Variants in DENND11 observed in about 807,000 individuals in gnomAD.
DENND11 encodes the protein DENN domain containing 11.
DENND11 carries 34 observed loss-of-function variants against 49.2 expected under a neutral mutation model. That is an observed-to-expected ratio of 0.69 (90% confidence interval 0.53 to 0.92). The LOEUF is 0.92. DENND11 is among the 40% of genes least tolerant of loss of function. The probability of loss-of-function intolerance (pLI) is 0.00; values close to 1 mark genes in which losing one functional copy is unlikely to be tolerated. For missense variants in DENND11, 475 were observed against 581.6 expected (o/e 0.82, Z 1.88); for synonymous variants, 238 against 230.3 (o/e 1.03, Z -0.30).
intron 3 of DENND11, among the ~76,000 whole-genome samples, chr7:141,680,780 C>T (rs879466874): frequency 2.0e-4 from 31 of 151,994 alleles, no homozygotes; most frequent in African/African-American, 7.5e-4. Context: ...ATGAGGACAA[C>T]AACTCTAGAA....
In DENND11 at chr7:141,676,335, A is replaced by C. The variant is rs542018060; in HGVS notation, c.528-2115T>G. Among the ~76,000 whole-genome samples, 18 of 152,328 alleles carry C rather than the reference A, an allele frequency of 1.2e-4. No homozygotes were observed. In the East Asian group the frequency reaches 2.9e-3, roughly 24 times the overall value. ...TTTAATACTACATTTTCTGTGTTAA[A>C]GGGGGCTGTGTCAAGGGAAATATTT... On this transcript the variant is annotated intron_variant, in intron 3 of 8. Coordinates refer to ENST00000536163, the MANE Select transcript of DENND11 (RefSeq NM_001080392.2).
intron 1 of DENND11, among the ~76,000 whole-genome samples, chr7:141,694,082 A>T (rs1049241235): frequency 6.6e-6 from 1 of 152,196 alleles, no homozygotes; most frequent in Non-Finnish European, 1.5e-5. Flanking sequence ...GGGAGGTAGT[A>T]TATGGGAACT....
chr7:141,680,331 CAGTA>C (rs1242946485), intron 3 of DENND11, among the ~76,000 whole-genome samples: 2 of 151,922 alleles, frequency 1.3e-5, no homozygotes, highest in Non-Finnish European at 2.9e-5. Context: ...AAAAGGGAGA[CAGTA>C]AGAATATACA....
At chr7:141,691,031 T>G (rs1798319998) in intron 1 of DENND11, among the ~76,000 whole-genome samples, 1 of 152,224 alleles carries the variant, frequency 6.6e-6, no homozygotes, top group African/African-American at 2.4e-5. Context: ...TCCTTCCATA[T>G]CCACTCTTCT....
In DENND11 at chr7:141,665,112, C is replaced by T. The variant is rs537611687; in HGVS notation, c.953-58G>A. On this transcript the variant is annotated intron_variant, in intron 6 of 8. Transcript: ENST00000536163. Reference sequence around the variant, plus strand: ...CACCCGACCCCACTGGGAAACAAGGCGCCCAGGAGCCCTGTGTCTGGGAGG... The same window carrying T: ...CACCCGACCCCACTGGGAAACAAGGTGCCCAGGAGCCCTGTGTCTGGGAGG... The T allele has an allele frequency of 6.7e-4, 1,080 of 1,609,154 alleles. 6 individuals are homozygous for T. The highest frequency in any genetic ancestry group is 2.2e-4 in the Non-Finnish European group (255 of 1,176,554).
At chr7:141,701,571 T>C in intron 1 of DENND11, 1 of 185,256 alleles carries the variant, frequency 5.4e-6, no homozygotes, top group Non-Finnish European at 1.1e-5. Context: ...GCCCTGTCAC[T>C]GAAGTGCGAA....
intron 3 of DENND11, among the ~76,000 whole-genome samples, chr7:141,676,822 C>T (rs1168707789): frequency 1.3e-5 from 2 of 152,122 alleles, no homozygotes; most frequent in Non-Finnish European, 2.9e-5. Flanking sequence ...ATTGAGAAAC[C>T]ACCACACCGA....
chr7:141,677,517 A>ATG (rs1279337329), intron 3 of DENND11, among the ~76,000 whole-genome samples: 1 of 107,278 alleles, frequency 9.3e-6, no homozygotes, highest in Non-Finnish European at 1.9e-5. Flanking sequence ...ATATATATAT[A>ATG]TATGTATATA....
intron 1 of DENND11, among the ~76,000 whole-genome samples, chr7:141,700,417 TAAAAA>T (rs1342528159): frequency 7.2e-6 from 1 of 139,392 alleles, no homozygotes; most frequent in Non-Finnish European, 1.5e-5. Context: ...GATGAACACT[TAAAAA>T]AAAGAGAAAA....
At chr7:141,667,442 T>C (rs1026503324) in intron 4 of DENND11, among the ~76,000 whole-genome samples, 1 of 152,170 alleles carries the variant, frequency 6.6e-6, no homozygotes, top group Non-Finnish European at 1.5e-5. Flanking sequence ...ACCTACCTCG[T>C]AGGGTTACTT....
In DENND11 at chr7:141,657,375, T is replaced by G. The variant is rs942615412; in HGVS notation, c.*5281A>C. ...TTTGTGGACACGTTAGACCCAAACT[T>G]TTTTTTGTATAACACCATCTTAAAA... is the stretch of plus-strand genomic sequence containing the variant. On this transcript the variant is annotated 3_prime_UTR_variant, in exon 9 of 9. Coordinates refer to ENST00000536163, the MANE Select transcript of DENND11 (RefSeq NM_001080392.2). The G allele has an allele frequency of 6.6e-6, 1 of 151,512 alleles. No individual in the cohort carries two copies. The highest frequency in any genetic ancestry group is 2.4e-5 in the African/African-American group (1 of 40,992). 9.4% of individuals were successfully genotyped at this position (151,512 alleles called of 1,614,324 possible). A position where few individuals can be genotyped will look rare whatever the true frequency, so the allele number is the denominator to read the frequency against.
chr7:141,696,479 T>C (rs1408071148), intron 1 of DENND11, among the ~76,000 whole-genome samples: 1 of 152,200 alleles, frequency 6.6e-6, no homozygotes, highest in East Asian at 1.9e-4. Context: ...CCTCCTCTGT[T>C]AGATGGTTCC....
chr7:141,669,408 T>C (rs901016464), intron 4 of DENND11, among the ~76,000 whole-genome samples: 1 of 151,826 alleles, frequency 6.6e-6, no homozygotes, highest in Non-Finnish European at 1.5e-5. Flanking sequence ...CTACCATGCC[T>C]GGCTAATTTT....
rs568907744 is a variant in DENND11, at chr7:141,662,889, G to C, written c.1173-38C>G. ...GACAAGACACAGGAAAGGAAGCGGG[G>C]GGGAATAAAAAGCTCACCAGATAAT... On this transcript the variant is annotated intron_variant, in intron 8 of 8. Coordinates refer to ENST00000536163, the MANE Select transcript of DENND11 (RefSeq NM_001080392.2). 714 of 1,466,730 alleles carry C rather than the reference G, an allele frequency of 4.9e-4. 4 individuals carry two copies. The Middle Eastern group carries it at 0.013, about 27-fold the overall frequency. 90.9% of individuals were successfully genotyped at this position (1,466,730 alleles called of 1,614,324 possible). A position where few individuals can be genotyped will look rare whatever the true frequency, so the allele number is the denominator to read the frequency against.
rs1305276426 is a variant in DENND11 at position 141,685,029 on chromosome 7, A to AAAAAAT, written c.527+448_527+449insATTTTT. 5.5e-3 allele frequency among the ~76,000 whole-genome samples: 507 copies of AAAAAAT among 91,470 alleles called. 5 individuals carry two copies. The highest frequency in any genetic ancestry group is 0.01 in the Middle Eastern group (1 of 100). The allele number at this position is 91,470 out of a possible 152,430, so 60.0% of individuals were successfully genotyped here. ...GTCTCTACCAAAAAAAAAAAAAAAA[A>AAAAAAT]ATATATATATATATATATATATATA... On this transcript the variant is annotated intron_variant, in intron 3 of 8. Coordinates refer to ENST00000536163, the MANE Select transcript of DENND11 (RefSeq NM_001080392.2).
In DENND11 at chr7:141,661,603, C is replaced by T. The variant is rs898318544; in HGVS notation, c.*1053G>A. The T allele has an allele frequency of 7.2e-5, 11 of 152,164 alleles. 1 individual carries two copies. The highest frequency in any genetic ancestry group is 2.4e-4 in the African/African-American group (10 of 41,432). The allele number at this position is 152,164 out of a possible 1,614,324, so 9.4% of individuals were successfully genotyped here. On this transcript the variant is annotated 3_prime_UTR_variant, in exon 9 of 9. Coordinates refer to ENST00000536163, the MANE Select transcript of DENND11 (RefSeq NM_001080392.2). ...TTGTGAGGGGTCCAAAATGATAAACCGTCTTGTTAGCATCATGCTCCACCC... is the reference window on the plus strand; with the variant it reads ...TTGTGAGGGGTCCAAAATGATAAACTGTCTTGTTAGCATCATGCTCCACCC...
At chr7:141,681,587 T>A (rs1207127011) in intron 3 of DENND11, among the ~76,000 whole-genome samples, 1 of 152,168 alleles carries the variant, frequency 6.6e-6, no homozygotes, top group East Asian at 1.9e-4. Context: ...TATAATCTAG[T>A]CTGCTAATTA....
intron 1 of DENND11, among the ~76,000 whole-genome samples, chr7:141,689,498 C>G (rs1798292500): frequency 6.6e-6 from 1 of 152,194 alleles, no homozygotes; most frequent in Non-Finnish European, 1.5e-5. Flanking sequence ...CTAACACATG[C>G]AGGGCTTAAT....
intron 1 of DENND11, among the ~76,000 whole-genome samples, chr7:141,688,532 A>C (rs1168915672): frequency 6.6e-6 from 1 of 152,266 alleles, no homozygotes; most frequent in South Asian, 2.1e-4. Context: ...TTAAGAGTTC[A>C]TAAAGCAGAA....
Sources: allele counts gnomAD v4.1 joint callset (sites outside exome capture counted in the v4.1 genomes callset), GRCh38; gene constraint gnomAD v4.1.1; transcripts MANE v1.5; gene names NCBI Gene and HGNC (gene_info 2026-07-23, HGNC 2026-07-21).